The following PPP2R2B variants were observed in gnomAD, a reference collection of about 807,000 sequenced individuals.
PPP2R2B encodes serine/threonine-protein phosphatase 2A 55 kDa regulatory subunit B beta isoform.
PPP2R2B carries 5 observed loss-of-function variants against 46.0 expected under a neutral mutation model. The ratio of observed to expected loss-of-function variants is 0.11; its 90% confidence interval spans 0.06 to 0.23. The LOEUF (loss-of-function observed/expected upper bound fraction) is 0.23, where lower values mean the gene tolerates loss of function less well. Ranked by LOEUF, PPP2R2B falls within the 10% of genes least tolerant of loss-of-function variation. The pLI is 1.00. For synonymous variants in PPP2R2B, 215 were observed against 206.7 expected (o/e 1.04, Z -0.34); for missense variants, 367 against 575.0 (o/e 0.64, Z 3.70).
At chr5:146,997,652 A>G (rs961821365) in intron 1 of PPP2R2B, among the ~76,000 whole-genome samples, 1 of 152,226 alleles carries the variant, frequency 6.6e-6, no homozygotes, top group Non-Finnish European at 1.5e-5. Flanking sequence ...ACTACTGCTA[A>G]ATAATGCATG....
chr5:146,867,681 C>G (rs930129003), intron 2 of PPP2R2B, among the ~76,000 whole-genome samples: 1 of 152,092 alleles, frequency 6.6e-6, no homozygotes, highest in Non-Finnish European at 1.5e-5. Flanking sequence ...CTCATGATAA[C>G]AGAGAGATAA....
At chr5:146,863,984 C>T (rs2151397887) in intron 2 of PPP2R2B, among the ~76,000 whole-genome samples, 1 of 152,258 alleles carries the variant, frequency 6.6e-6, no homozygotes, top group South Asian at 2.1e-4. Flanking sequence ...ATAGCAATTA[C>T]AAAGGTATTC....
At chr5:146,818,331 A>T (rs1344002102) in intron 2 of PPP2R2B, among the ~76,000 whole-genome samples, 1 of 150,782 alleles carries the variant, frequency 6.6e-6, no homozygotes, top group Non-Finnish European at 1.5e-5. Flanking sequence ...AAAGACATTC[A>T]TCTATGCTAA....
chr5:146,722,452 C>G (rs1036658170), intron 2 of PPP2R2B, among the ~76,000 whole-genome samples: 1 of 152,172 alleles, frequency 6.6e-6, no homozygotes, highest in Non-Finnish European at 1.5e-5. Context: ...GTTGAGAACT[C>G]AATAGCTTTC....
intron 1 of PPP2R2B, among the ~76,000 whole-genome samples, chr5:146,912,786 C>T (rs886570234): frequency 1.3e-5 from 2 of 152,112 alleles, no homozygotes; most frequent in Non-Finnish European, 2.9e-5. Flanking sequence ...GGATTACAGA[C>T]GTGAGCCACC....
At chr5:146,647,069 C>T (rs1371584920) in intron 6 of PPP2R2B, among the ~76,000 whole-genome samples, 1 of 152,190 alleles carries the variant, frequency 6.6e-6, no homozygotes, top group Non-Finnish European at 1.5e-5. Flanking sequence ...AAATGCCAGT[C>T]ACAGGAAGTC....
intron 2 of PPP2R2B, among the ~76,000 whole-genome samples, chr5:146,707,844 G>T (rs74392648): frequency 4.1e-4 from 62 of 152,228 alleles, no homozygotes; most frequent in African/African-American, 1.4e-3. Context: ...ATAGACAAAA[G>T]TTTATCAGAG....
intron 5 of PPP2R2B, among the ~76,000 whole-genome samples, chr5:146,668,021 C>T (rs1777114771): frequency 6.6e-6 from 1 of 152,174 alleles, no homozygotes; most frequent in African/African-American, 2.4e-5. Flanking sequence ...ACACCTTTTC[C>T]TAGGATATTC....
chr5:146,993,542 G>C (rs1407077126), intron 1 of PPP2R2B, among the ~76,000 whole-genome samples: 1 of 152,142 alleles, frequency 6.6e-6, no homozygotes, highest in Non-Finnish European at 1.5e-5. Context: ...GCACCCAGCT[G>C]GTGATAGAAA....
intron 8 of PPP2R2B, among the ~76,000 whole-genome samples, chr5:146,599,683 T>C (rs1242007334): frequency 1.3e-5 from 2 of 152,208 alleles, no homozygotes; most frequent in Non-Finnish European, 2.9e-5. Context: ...AGTTCTGAGA[T>C]ACATGTGCAG....
At chr5:146,706,717 T>C (rs1779882447) in intron 2 of PPP2R2B, 3 of 841,624 alleles carry the variant, frequency 3.6e-6, no homozygotes, top group Non-Finnish European at 4.1e-6. Context: ...ATCTCAGTCT[T>C]TGTAAGACGC....
chr5:146,720,439 G>T (rs972440838), intron 2 of PPP2R2B, among the ~76,000 whole-genome samples: 4 of 152,166 alleles, frequency 2.6e-5, no homozygotes, highest in Admixed American at 2.6e-4. Context: ...ATGGGACAAA[G>T]GATAGGGGTG....
intron 1 of PPP2R2B, among the ~76,000 whole-genome samples, chr5:146,897,743 AAAGGAGAATAAACCTAC>A (rs1762692077): frequency 6.6e-6 from 1 of 152,220 alleles, no homozygotes; most frequent in African/African-American, 2.4e-5. Flanking sequence ...GAAACATTTA[AAAGGAGAATAAACCTAC>A]AATTCAAGAA....
At chr5:146,773,002 A>G (rs1366318840) in intron 2 of PPP2R2B, among the ~76,000 whole-genome samples, 1 of 152,184 alleles carries the variant, frequency 6.6e-6, no homozygotes, top group African/African-American at 2.4e-5. Flanking sequence ...TAAACATCAC[A>G]AATGAGTTCT....
At chr5:146,882,410 A>G (rs1296586460), upstream of PPP2R2B, among the ~76,000 whole-genome samples, 1 of 152,228 alleles carries the variant, frequency 6.6e-6, no homozygotes, top group Non-Finnish European at 1.5e-5. Flanking sequence ...TGCATTCTAT[A>G]TCGACAGACT....
intron 2 of PPP2R2B, among the ~76,000 whole-genome samples, chr5:146,792,555 A>T (rs182120468): frequency 3.4e-4 from 52 of 152,330 alleles, no homozygotes; most frequent in Admixed American, 1.5e-3. Context: ...TTAGAAGGTG[A>T]CTATGGGAAA....
chr5:146,823,025 G>T (rs1174408448), intron 2 of PPP2R2B, among the ~76,000 whole-genome samples: 1 of 152,094 alleles, frequency 6.6e-6, no homozygotes, highest in African/African-American at 2.4e-5. Context: ...TGAGTCTTTT[G>T]GCAAAAGGGA....
chr5:146,911,281 G>T (rs957667027), intron 1 of PPP2R2B, among the ~76,000 whole-genome samples: 2 of 151,968 alleles, frequency 1.3e-5, no homozygotes, highest in African/African-American at 2.4e-5. Flanking sequence ...ACGGGGTTTC[G>T]CCATATCGGC....
At chr5:146,839,389 A>G (rs1168456479) in intron 2 of PPP2R2B, among the ~76,000 whole-genome samples, 1 of 152,084 alleles carries the variant, frequency 6.6e-6, no homozygotes, top group Non-Finnish European at 1.5e-5. Flanking sequence ...GCATGGTGGC[A>G]TGTGCCTGTA....
Sources: allele counts gnomAD v4.1 joint callset (sites outside exome capture counted in the v4.1 genomes callset), GRCh38; gene constraint gnomAD v4.1.1; transcripts MANE v1.5; gene names NCBI Gene and HGNC (gene_info 2026-07-23, HGNC 2026-07-21).